PKIB: variants seen among roughly 807,000 people sequenced by gnomAD.
PKIB encodes cAMP-dependent protein kinase inhibitor beta.
PKIB carries 2 observed loss-of-function variants against 4.5 expected under a neutral mutation model. That is an observed-to-expected ratio of 0.44 (90% CI 0.18 to 1.39). The LOEUF (loss-of-function observed/expected upper bound fraction) is 1.39. Among genes scored for constraint, PKIB ranks in the 40% most tolerant of loss-of-function variants. The pLI is 0.27. For missense variants in PKIB, 94 were observed against 92.6 expected, an observed-to-expected ratio of 1.02 and a Z score of -0.06; for synonymous variants, 38 against 36.0, an observed-to-expected ratio of 1.06 and a Z score of -0.20.
At chr6:122,680,560 C>T (rs550218388) in intron 3 of PKIB, among the ~76,000 whole-genome samples, 4 of 152,204 alleles carry the variant, frequency 2.6e-5, no homozygotes, top group South Asian at 4.1e-4. Flanking sequence ...CTGATTTCTG[C>T]GACCTGCCTT....
chr6:122,621,620 C>T (rs1775232922), intron 1 of PKIB, among the ~76,000 whole-genome samples: 1 of 152,152 alleles, frequency 6.6e-6, no homozygotes, highest in Admixed American at 6.5e-5. Context: ...CAAAGAGACT[C>T]AAAGTGCAGC....
chr6:122,479,292 A>G (rs1304531003), intron 2 of PKIB: 1 of 152,172 alleles, frequency 6.6e-6, no homozygotes, highest in Non-Finnish European at 1.5e-5. Context: ...ACATTAAAGC[A>G]GTAATAAGCA....
upstream of PKIB, among the ~76,000 whole-genome samples, chr6:122,608,163 T>A (rs996088667): frequency 1.3e-5 from 2 of 152,224 alleles, no homozygotes; most frequent in Non-Finnish European, 2.9e-5. Context: ...CTTATCTCTC[T>A]CATTTGATGT....
chr6:122,650,943 G>A (rs1429947439), intron 2 of PKIB, among the ~76,000 whole-genome samples: 2 of 152,132 alleles, frequency 1.3e-5, no homozygotes, highest in Non-Finnish European at 1.5e-5. Flanking sequence ...TTCAGCCAAC[G>A]AACCAAACTG....
intron 3 of PKIB, among the ~76,000 whole-genome samples, chr6:122,602,662 C>T (rs1418708394): frequency 6.6e-6 from 1 of 152,142 alleles, no homozygotes; most frequent in African/African-American, 2.4e-5. Context: ...CGCTTGTAAT[C>T]TCAGCACTTT....
chr6:122,676,821 G>A (rs1777692092), intron 3 of PKIB, among the ~76,000 whole-genome samples: 1 of 152,114 alleles, frequency 6.6e-6, no homozygotes, highest in Non-Finnish European at 1.5e-5. Flanking sequence ...GGCAATATAG[G>A]CTGTTTCATA....
chr6:122,498,705 A>G (rs1230716632), intron 2 of PKIB, among the ~76,000 whole-genome samples: 1 of 152,244 alleles, frequency 6.6e-6, no homozygotes. Flanking sequence ...AAGAAAAGAA[A>G]TAACTAAAAT....
intron 2 of PKIB, among the ~76,000 whole-genome samples, chr6:122,494,516 C>T (rs1183453580): frequency 2.6e-5 from 4 of 152,140 alleles, no homozygotes; most frequent in Non-Finnish European, 5.9e-5. Flanking sequence ...AAAAATACCC[C>T]CTTGGGAAAT....
At chr6:122,564,350 A>G (rs905938932) in intron 2 of PKIB, among the ~76,000 whole-genome samples, 2 of 152,154 alleles carry the variant, frequency 1.3e-5, no homozygotes, top group East Asian at 3.9e-4. Flanking sequence ...CCTGCCTCCC[A>G]TCTGTCATGA....
At chr6:122,725,076 T>C (rs1484898433) in intron 4 of PKIB, 52 bp from the exon 5 acceptor site, 1 of 1,355,162 alleles carries the variant, frequency 7.4e-7, no homozygotes, top group Non-Finnish European at 1.0e-6. Flanking sequence ...TCTAACATAA[T>C]ACAAAATAAA....
chr6:122,562,587 G>A (rs1378227895), intron 2 of PKIB, among the ~76,000 whole-genome samples: 1 of 152,148 alleles, frequency 6.6e-6, no homozygotes. Flanking sequence ...CCACAGGAAT[G>A]CCAATTATCC....
At chr6:122,680,284 G>A (rs573842456) in intron 3 of PKIB, among the ~76,000 whole-genome samples, 27 of 152,176 alleles carry the variant, frequency 1.8e-4, no homozygotes, top group Admixed American at 1.4e-3. Context: ...AATATGATTA[G>A]ACAAAATTGA....
intron 2 of PKIB, among the ~76,000 whole-genome samples, chr6:122,500,761 A>G (rs1015468815): frequency 2.6e-5 from 4 of 152,196 alleles, no homozygotes; most frequent in African/African-American, 9.7e-5. Context: ...CATGGAGAAA[A>G]GAGGCTTAAT....
chr6:122,714,295 A>G (rs553727224), intron 3 of PKIB, among the ~76,000 whole-genome samples: 9 of 152,316 alleles, frequency 5.9e-5, no homozygotes, highest in African/African-American at 2.2e-4. Context: ...ACTGAAAGGA[A>G]GATTGTGCCA....
chr6:122,526,401 C>T (rs9320875), intron 2 of PKIB, among the ~76,000 whole-genome samples: 18,870 of 151,984 alleles, frequency 0.12, 1,318 homozygotes, highest in East Asian at 0.21. Context: ...TTTATGGCAG[C>T]TATAGCCTTA....
chr6:122,589,485 A>G (rs1257816752), intron 3 of PKIB, among the ~76,000 whole-genome samples: 1 of 152,192 alleles, frequency 6.6e-6, no homozygotes, highest in African/African-American at 2.4e-5. Context: ...TGGTGGGACT[A>G]AAAGTTGAAG....
intron 2 of PKIB, among the ~76,000 whole-genome samples, chr6:122,543,060 G>A (rs189051363): frequency 1.6e-4 from 25 of 152,180 alleles, no homozygotes; most frequent in East Asian, 7.8e-4. Flanking sequence ...TTTTAAGCCC[G>A]TTGGAAAAGC....
intron 2 of PKIB, among the ~76,000 whole-genome samples, chr6:122,533,489 G>A (rs1418366797): frequency 1.3e-5 from 2 of 152,094 alleles, no homozygotes; most frequent in Non-Finnish European, 2.9e-5. Context: ...ACCAATTTCT[G>A]ATCTAAGTAA....
chr6:122,720,403 T>G lies in PKIB; in HGVS notation c.169+2440T>G, dbSNP rs185824976. ...GCATCCTGGGATGGAGAAAGATCAG[T>G]GGATTTGGGATATGTTTTATAGGCA... On this transcript the variant is annotated intron_variant, in intron 4 of 4. Coordinates refer to ENST00000368452, the MANE Select transcript of PKIB (RefSeq NM_181795.3). Among the ~76,000 whole-genome samples, 5 of 151,596 alleles carry G rather than the reference T, an allele frequency of 3.3e-5. No individual in the cohort carries two copies. The East Asian group carries it at 9.7e-4, about 30-fold the overall frequency.
Sources: allele counts gnomAD v4.1 joint callset (sites outside exome capture counted in the v4.1 genomes callset), GRCh38; gene constraint gnomAD v4.1.1; transcripts MANE v1.5; gene names NCBI Gene and HGNC (gene_info 2026-07-23, HGNC 2026-07-21).